GPHN: variants seen among roughly 807,000 people sequenced by gnomAD.
GPHN encodes gephyrin.
A neutral mutation model predicts 95.5 loss-of-function variants in GPHN; 17 were observed. The ratio of observed to expected loss-of-function variants is 0.18; its 90% CI spans 0.12 to 0.27. The LOEUF (loss-of-function observed/expected upper bound fraction) is 0.27. Among genes scored for constraint, GPHN ranks in the 10% least tolerant of loss-of-function variants. The pLI is 1.00. For synonymous variants in GPHN, 320 were observed against 322.5 expected (o/e 0.99, Z 0.08); for missense variants, 660 against 978.1 (o/e 0.67, Z 4.34).
At chr14:67,152,422 C>T (rs2081334372) in intron 18 of GPHN, among the ~76,000 whole-genome samples, 1 of 152,036 alleles carries the variant, frequency 6.6e-6, no homozygotes, top group Non-Finnish European at 1.5e-5. Flanking sequence ...TTATGAATCT[C>T]ATAAATATAT....
intron 13 of GPHN, among the ~76,000 whole-genome samples, chr14:67,103,511 CTTTTTTTTT>C: frequency 5.6e-5 from 3 of 53,400 alleles, no homozygotes; most frequent in Non-Finnish European, 1.0e-4. Flanking sequence ...GTTTCTTTCT[CTTTTTTTTT>C]TTTTTTTTTT....
At chr14:67,422,055 C>G in the GPHN span, among the ~76,000 whole-genome samples, 1 of 152,100 alleles carries the variant, frequency 6.6e-6, no homozygotes, top group Admixed American at 6.5e-5. Context: ...CAGGGCCTAG[C>G]CAGTTCCTAG....
chr14:66,976,374 A>G (rs1000816013), intron 9 of GPHN, among the ~76,000 whole-genome samples: 2 of 152,216 alleles, frequency 1.3e-5, no homozygotes, highest in African/African-American at 4.8e-5. Context: ...CATATTTTGT[A>G]TAAAACAGCC....
chr14:67,203,987 C>T, the GPHN span, among the ~76,000 whole-genome samples: 7 of 151,642 alleles, frequency 4.6e-5, no homozygotes, highest in African/African-American at 7.3e-5. Flanking sequence ...GCTGGGATTA[C>T]AGGCGTGAGC....
At chr14:67,649,562 A>G in the GPHN span, 1 of 152,296 alleles carries the variant, frequency 6.6e-6, no homozygotes, top group East Asian at 1.9e-4. Flanking sequence ...GGGATATGCT[A>G]AAGGTGCAGG....
chr14:67,725,020 C>T, the GPHN span: 4 of 1,498,842 alleles, frequency 2.7e-6, no homozygotes, highest in South Asian at 1.1e-5. Context: ...GCTCTGTCCC[C>T]CAGTCCCAAG....
intron 1 of GPHN, among the ~76,000 whole-genome samples, chr14:66,548,866 G>T (rs1263065551): frequency 6.6e-6 from 1 of 152,128 alleles, no homozygotes; most frequent in African/African-American, 2.4e-5. Flanking sequence ...AAATAGCAGA[G>T]AACATTTATT....
At chr14:67,046,596 T>A (rs1420898913) in intron 10 of GPHN, among the ~76,000 whole-genome samples, 1 of 152,210 alleles carries the variant, frequency 6.6e-6, no homozygotes, top group East Asian at 1.9e-4. Flanking sequence ...TATTTTATCA[T>A]CTTTATGTAC....
chr14:66,822,425 G>C (rs551074779), intron 3 of GPHN, among the ~76,000 whole-genome samples: 1 of 152,206 alleles, frequency 6.6e-6, no homozygotes, highest in Non-Finnish European at 1.5e-5. Flanking sequence ...CTATACCAAA[G>C]AGGTGAGACC....
At chr14:67,576,800 G>A in the GPHN span, among the ~76,000 whole-genome samples, 1 of 152,192 alleles carries the variant, frequency 6.6e-6, no homozygotes, top group Non-Finnish European at 1.5e-5. The surrounding 1 kb of genome is among the most constrained non-coding windows in gnomAD (Gnocchi z 4.0). Flanking sequence ...GAGGAAAGAA[G>A]GTAGCTGGTT....
rs552345452 is a variant in GPHN at position 67,072,106 on chromosome 14, T to C, written c.1144+13320T>C. Among the ~76,000 whole-genome samples the C allele has an allele frequency of 5.9e-5, 9 of 152,296 alleles. No homozygotes were observed. The East Asian group carries it at 1.3e-3, about 23-fold the overall frequency. On this transcript the variant is annotated intron_variant, in intron 11 of 22. Coordinates refer to ENST00000478722, the MANE Select transcript of GPHN (RefSeq NM_020806.5). ...GTAGTTTATCTTGCAATTTTTAAAT[T>C]CTGTATCTATTTTGAAGTTCCTTAG...
the GPHN span, among the ~76,000 whole-genome samples, chr14:67,239,041 A>G: frequency 6.6e-6 from 1 of 152,212 alleles, no homozygotes; most frequent in Admixed American, 6.5e-5. Context: ...TGAGATAAGC[A>G]GCTGGTCTGC....
intron 17 of GPHN, among the ~76,000 whole-genome samples, chr14:67,136,328 CA>C (rs2153700587): frequency 6.6e-6 from 1 of 152,276 alleles, no homozygotes; most frequent in South Asian, 2.1e-4. Flanking sequence ...TAGCAAAGCA[CA>C]AAATGGCAAG....
At chr14:67,200,209 G>A in the GPHN span, 5 of 1,108,168 alleles carry the variant, frequency 4.5e-6, no homozygotes, top group South Asian at 6.6e-5. Context: ...GCCCCCCATG[G>A]ATACACTGGC....
chr14:67,322,438 A>C, the GPHN span, among the ~76,000 whole-genome samples: 2 of 152,226 alleles, frequency 1.3e-5, no homozygotes, highest in African/African-American at 4.8e-5. Flanking sequence ...TTTGTAGACC[A>C]TACAGCTTTA....
At chr14:67,671,207 C>T in the GPHN span, among the ~76,000 whole-genome samples, 1 of 152,128 alleles carries the variant, frequency 6.6e-6, no homozygotes, top group African/African-American at 2.4e-5. Context: ...ATCCATTAAA[C>T]AACTATGTCT....
the GPHN span, chr14:67,593,351 C>A: frequency 9.0e-6 from 2 of 222,808 alleles, no homozygotes; most frequent in South Asian, 6.4e-5. Context: ...ACGAGCCAAG[C>A]ATGGTGGTGC....
intron 1 of GPHN, among the ~76,000 whole-genome samples, chr14:66,585,355 A>AT (rs1367258761): frequency 2.6e-5 from 4 of 152,002 alleles, no homozygotes; most frequent in Non-Finnish European, 4.4e-5. Context: ...GGATTCATTG[A>AT]TTTTTTGAAG....
chr14:67,336,700 T>C, the GPHN span: 1 of 455,808 alleles, frequency 2.2e-6, no homozygotes, highest in African/African-American at 2.0e-5. Context: ...AATTTCCTCA[T>C]CTGCAAAGTG....
Sources: gnomAD v4.1 joint callset for allele counts (sites outside exome capture counted in the v4.1 genomes callset) on GRCh38, gnomAD v4.1.1 for gene constraint, Gnocchi (gnomAD v3.1) non-coding constraint, MANE v1.5 for transcripts, NCBI Gene and HGNC (gene_info 2026-07-23, HGNC 2026-07-21) for gene names.